The following CACNA2D3 variants were observed in gnomAD, a reference collection of about 807,000 sequenced individuals.
The protein encoded by CACNA2D3 is voltage-dependent calcium channel subunit alpha-2/delta-3.
In CACNA2D3, 60 loss-of-function variants were observed where a neutral mutation model predicts 160.6. That is an observed-to-expected ratio of 0.37 (90% CI 0.30 to 0.46). The LOEUF (loss-of-function observed/expected upper bound fraction) is 0.46, where lower values mean the gene tolerates loss of function less well. Among genes scored for constraint, CACNA2D3 ranks in the 20% least tolerant of loss-of-function variants. CACNA2D3 has a pLI of 1.00. For synonymous variants in CACNA2D3, 558 were observed against 492.9 expected (o/e 1.13, Z -1.75); for missense variants, 1,205 against 1,365.0 (o/e 0.88, Z 1.85).
chr3:54,242,814 G>A (rs1426288335), intron 2 of CACNA2D3, among the ~76,000 whole-genome samples: 3 of 152,228 alleles, frequency 2.0e-5, no homozygotes, highest in Admixed American at 6.5e-5. Flanking sequence ...AAGCAAAACC[G>A]TGGATAAGGG....
chr3:54,975,594 T>C (rs1702373360), intron 29 of CACNA2D3, among the ~76,000 whole-genome samples: 1 of 151,790 alleles, frequency 6.6e-6, no homozygotes. Flanking sequence ...CATGTTGTCC[T>C]TCAGGATCCC....
chr3:54,343,450 C>T (rs1453508933), intron 3 of CACNA2D3, among the ~76,000 whole-genome samples: 2 of 152,092 alleles, frequency 1.3e-5, no homozygotes, highest in Admixed American at 6.5e-5. Flanking sequence ...TGCCCCCACG[C>T]CCAGCTAATT....
chr3:54,185,185 C>T (rs1700859463), intron 2 of CACNA2D3, among the ~76,000 whole-genome samples: 1 of 152,206 alleles, frequency 6.6e-6, no homozygotes, highest in Non-Finnish European at 1.5e-5. Context: ...GATTGCAGTT[C>T]TTCTAAATGG....
chr3:54,714,326 C>G (rs1302619997), intron 11 of CACNA2D3, among the ~76,000 whole-genome samples: 2 of 152,158 alleles, frequency 1.3e-5, no homozygotes, highest in Non-Finnish European at 2.9e-5. Flanking sequence ...GAAGCTCTTT[C>G]ATTTATGGAG....
chr3:54,356,997 T>G lies in CACNA2D3; in HGVS notation c.322-29718T>G, dbSNP rs577141288. Among the ~76,000 whole-genome samples the G allele has an allele frequency of 4.6e-5, 7 of 152,276 alleles. No homozygotes were observed. In the South Asian group the frequency reaches 1.2e-3, roughly 27 times the overall value. ...TTTGTTTTGTCATTTAAGAGACATA[T>G]GTAGGACCCCCTCCTTGTGGGCTGC... On this transcript the variant is annotated intron_variant, in intron 3 of 37. Transcript: ENST00000474759.
intron 4 of CACNA2D3, among the ~76,000 whole-genome samples, chr3:54,477,265 A>G (rs1033018026): frequency 2.0e-5 from 3 of 152,178 alleles, no homozygotes; most frequent in Middle Eastern, 3.4e-3. Flanking sequence ...AGATGGGGTA[A>G]ATGAGGCCCA....
intron 14 of CACNA2D3, among the ~76,000 whole-genome samples, chr3:54,818,218 C>T (rs1218613066): frequency 6.6e-6 from 1 of 152,206 alleles, no homozygotes; most frequent in Non-Finnish European, 1.5e-5. Flanking sequence ...GAGACAGAGT[C>T]TCACTATGTC....
At chr3:54,492,963 G>A (rs1216867632) in intron 4 of CACNA2D3, among the ~76,000 whole-genome samples, 1 of 147,994 alleles carries the variant, frequency 6.8e-6, no homozygotes, top group Non-Finnish European at 1.5e-5. Context: ...TGTCATTTTT[G>A]TAGTTTGTTT....
chr3:54,265,710 TTATA>T (rs903239323), intron 2 of CACNA2D3, among the ~76,000 whole-genome samples: 1 of 150,390 alleles, frequency 6.6e-6, no homozygotes, highest in African/African-American at 2.4e-5. Flanking sequence ...TATAGTGTGT[TTATA>T]TACGCACACA....
intron 5 of CACNA2D3, among the ~76,000 whole-genome samples, chr3:54,551,710 G>T (rs879931229): frequency 6.6e-6 from 1 of 152,198 alleles, no homozygotes; most frequent in Non-Finnish European, 1.5e-5. Context: ...TGCTCTGGCC[G>T]TCGTGTTCAG....
intron 5 of CACNA2D3, among the ~76,000 whole-genome samples, chr3:54,540,681 A>G (rs1701958020): frequency 6.6e-6 from 1 of 152,138 alleles, no homozygotes; most frequent in South Asian, 2.1e-4. Context: ...GTAAACAAGC[A>G]AGAGAGGAAG....
intron 5 of CACNA2D3, among the ~76,000 whole-genome samples, chr3:54,533,332 CTTTTTTTTTTTT>C (rs60076440): frequency 1.0e-5 from 1 of 97,306 alleles, no homozygotes; most frequent in Non-Finnish European, 2.0e-5. Flanking sequence ...CTTTTCTTTC[CTTTTTTTTTTTT>C]TTTTTTTTTG....
At chr3:54,646,676 T>G (rs947962842) in intron 11 of CACNA2D3, among the ~76,000 whole-genome samples, 3 of 152,224 alleles carry the variant, frequency 2.0e-5, no homozygotes, top group Non-Finnish European at 4.4e-5. Context: ...TTTAGGTCAA[T>G]TCCATGACTT....
At chr3:55,024,677 G>A (rs1231195305) in intron 35 of CACNA2D3, among the ~76,000 whole-genome samples, 3 of 152,076 alleles carry the variant, frequency 2.0e-5, no homozygotes, top group Non-Finnish European at 2.9e-5. Context: ...AATTTCCGTT[G>A]TTTATAAATT....
intron 3 of CACNA2D3, among the ~76,000 whole-genome samples, chr3:54,352,298 G>A (rs887361393): frequency 1.6e-4 from 24 of 152,060 alleles, no homozygotes; most frequent in Non-Finnish European, 3.2e-4. Context: ...CGTAGGATTT[G>A]TGCGAGGATA....
chr3:54,200,037 C>T (rs1701150168), intron 2 of CACNA2D3, among the ~76,000 whole-genome samples: 1 of 152,186 alleles, frequency 6.6e-6, no homozygotes, highest in Non-Finnish European at 1.5e-5. Flanking sequence ...GATTGGCCTA[C>T]AAAGTGGAAA....
chr3:54,987,780 C>CA (rs2107108555), intron 31 of CACNA2D3, 27 bp downstream of exon 31: 2 of 1,533,896 alleles, frequency 1.3e-6, no homozygotes, highest in East Asian at 4.5e-5. Context: ...CCACTGCATT[C>CA]CCCCCAAAAG....
chr3:54,931,362 G>GGA (rs1163372656), intron 27 of CACNA2D3, among the ~76,000 whole-genome samples: 1 of 152,186 alleles, frequency 6.6e-6, no homozygotes, highest in African/African-American at 2.4e-5. Flanking sequence ...ACTTGGATGT[G>GGA]GAGGCTGATT....
chr3:54,565,433 T>A (rs1386669350), intron 6 of CACNA2D3, among the ~76,000 whole-genome samples: 2 of 152,152 alleles, frequency 1.3e-5, no homozygotes, highest in Non-Finnish European at 2.9e-5. Context: ...GATGATGATG[T>A]CCATTTCTGC....
Sources: allele counts gnomAD v4.1 joint callset (sites outside exome capture counted in the v4.1 genomes callset), GRCh38; gene constraint gnomAD v4.1.1; transcripts MANE v1.5; gene names NCBI Gene and HGNC (gene_info 2026-07-23, HGNC 2026-07-21).